Variants in CUBN observed in about 807,000 individuals in gnomAD.
CUBN encodes 460 kDa receptor.
In CUBN, 282 loss-of-function variants were observed where a neutral mutation model predicts 405.3. The ratio of observed to expected loss-of-function variants is 0.70; its 90% confidence interval spans 0.63 to 0.77. The LOEUF (loss-of-function observed/expected upper bound fraction) is 0.77, where lower values mean the gene tolerates loss of function less well. Ranked by LOEUF, CUBN falls within the 30% of genes least tolerant of loss-of-function variation. CUBN has a pLI of 0.00. For missense variants in CUBN, 4,514 were observed against 4,475.2 expected (o/e 1.01, Z -0.25); for synonymous variants, 1,684 against 1,617.0 (o/e 1.04, Z -0.99).
intron 36 of CUBN, among the ~76,000 whole-genome samples, chr10:16,946,920 T>C (rs1345630885): frequency 6.6e-6 from 1 of 152,090 alleles, no homozygotes; most frequent in East Asian, 1.9e-4. Flanking sequence ...AGTGATTCCC[T>C]GGAAGAACCT....
chr10:16,915,946 A>C lies in CUBN; in HGVS notation c.7085T>G (p.Phe2362Cys). 6.2e-7 allele frequency: 1 copy of C among 1,614,192 alleles called. No homozygotes were observed. Among genetic ancestry groups the C allele is most frequent in the Non-Finnish European group, 8.5e-7 (1 of 1,180,030 alleles). Residue 2362 changes from phenylalanine (F) to cysteine (C), a missense_variant, in exon 46 of 67, where the codon TTC becomes TGC. This residue lies in a region of CUBN where 1,613 missense variants were observed against 1,542.8 expected (regional missense o/e 1.05). Transcript: ENST00000377833. ...HPTLPYRDNL[F>C]CEWHLQGLSG... is the part of the protein sequence containing the mutation. ...GAGCCCCTGGAGATGCCACTCACAG[A>C]ATAAGTTGTCTCTGTATGGAAGTGT... is the stretch of plus-strand genomic sequence containing the variant.
At chr10:17,047,723 G>C in intron 22 of CUBN, 120 bp from the exon 23 acceptor site, 1 of 911,790 alleles carries the variant, frequency 1.1e-6, no homozygotes, top group Middle Eastern at 3.3e-4. Context: ...AGCCATTCTG[G>C]AATGTGCAAA....
intron 50 of CUBN, 103 bp from the exon 51 acceptor site, chr10:16,904,218 C>G: frequency 9.1e-7 from 1 of 1,096,094 alleles, no homozygotes; most frequent in Non-Finnish European, 1.4e-6. Flanking sequence ...TTGACACACA[C>G]TTAAATTCTG....
chr10:17,068,700 A>C lies in CUBN; in HGVS notation c.2696T>G (p.Ile899Arg). The change falls in exon 20 of 67, where the codon ATA becomes AGA. Residue 899 changes from isoleucine to arginine, a missense_variant. Physicochemically the swap from Ile to Arg is moderately conservative, Grantham distance 97. Coordinates refer to ENST00000377833, the MANE Select transcript of CUBN (RefSeq NM_001081.4). ...KYCGTDIPSF[I>R]TSVYNFLYVT... ...ATAAAGAAAATTGTACACAGATGTTATAAATGAAGGTATGTCTGTACCGCA... is the reference window on the plus strand; with the variant it reads ...ATAAAGAAAATTGTACACAGATGTTCTAAATGAAGGTATGTCTGTACCGCA... The C allele has an allele frequency of 6.2e-7, 1 of 1,612,244 alleles. No individual in the cohort carries two copies. The highest frequency in any genetic ancestry group is 8.5e-7 in the Non-Finnish European group (1 of 1,178,524).
intron 16 of CUBN, 85 bp from the exon 17 acceptor site, chr10:17,084,546 C>CA: frequency 3.3e-6 from 3 of 914,910 alleles, no homozygotes; most frequent in Non-Finnish European, 5.2e-6. Context: ...AAAAATTTAC[C>CA]CACACACACA....
intron 11 of CUBN, 22 bp from the exon 12 acceptor site, chr10:17,104,627 A>G (rs1352636911): frequency 1.3e-6 from 2 of 1,591,692 alleles, no homozygotes; most frequent in Non-Finnish European, 1.7e-6. Flanking sequence ...AAAAACACAT[A>G]ATACCATAAA....
At chr10:17,117,522 G>C (rs535676435) in intron 6 of CUBN, among the ~76,000 whole-genome samples, 4 of 152,042 alleles carry the variant, frequency 2.6e-5, no homozygotes, top group Admixed American at 6.6e-5. Context: ...CTACAGGTGC[G>C]TGCCACCACA....
At chr10:16,863,939 T>C (rs1227540701) in intron 59 of CUBN, among the ~76,000 whole-genome samples, 1 of 152,144 alleles carries the variant, frequency 6.6e-6, no homozygotes, top group African/African-American at 2.4e-5. Context: ...AAATATTGAG[T>C]GTGATCCGGT....
chr10:17,045,740 A>G (rs1301590764), intron 24 of CUBN, among the ~76,000 whole-genome samples, 194 bp downstream of exon 24: 1 of 152,188 alleles, frequency 6.6e-6, no homozygotes, highest in Non-Finnish European at 1.5e-5. Context: ...ATTTATTGAT[A>G]AAAAGAAACT....
Position 16,869,756 on chromosome 10 carries a change from A to T in CUBN, c.9334T>A (p.Phe3112Ile). 1 of 1,614,106 alleles carries T rather than the reference A, an allele frequency of 6.2e-7. No homozygotes were observed. The highest frequency in any genetic ancestry group is 1.6e-4 in the Middle Eastern group (1 of 6,062). ...TTTGGTGGGCGCTTGGAACCGCAGA[A>T]TTTGCCAAGAAGGGGATCGCTGGTA... ...ANTSDPLLGK[F>I]CGSKRPPNVK... Residue 3112 changes from phenylalanine to isoleucine, a missense_variant, in exon 59 of 67, where the codon TTC becomes ATC. This residue lies in a region of CUBN where 1,186 missense variants were observed against 1,186.9 expected (regional missense o/e 1.00). Coordinates refer to ENST00000377833, the MANE Select transcript of CUBN (RefSeq NM_001081.4).
intron 40 of CUBN, among the ~76,000 whole-genome samples, chr10:16,930,008 G>C (rs1289357369): frequency 6.6e-6 from 1 of 152,124 alleles, no homozygotes; most frequent in Non-Finnish European, 1.5e-5. Context: ...TTTGTTACTT[G>C]CCCATCCACC....
At chr10:16,863,711 T>C (rs1232434205) in intron 59 of CUBN, among the ~76,000 whole-genome samples, 1 of 152,212 alleles carries the variant, frequency 6.6e-6, no homozygotes, top group East Asian at 1.9e-4. Flanking sequence ...GTTAGATTTT[T>C]TTTTCCATTT....
At position 17,071,896 on chromosome 10, in the gene CUBN, T is replaced by G. The variant is rs767796430; in HGVS notation, c.2377A>C (p.Ser793Arg). Reference protein sequence around the residue: ...TISHIKSITNSVWIRFKIDAS... With the variant: ...TISHIKSITNRVWIRFKIDAS... ...TCTATTTTAAACCTGATCCAGACAC[T>G]ATTAGTAATGGATTTAATGTGAGAG... Residue 793 changes from serine to arginine, a missense_variant, in exon 18 of 67, where the codon AGT (serine) becomes CGT (arginine). By Grantham distance (110) the Ser-to-Arg change is moderately radical (BLOSUM62 -1). Coordinates refer to ENST00000377833, the MANE Select transcript of CUBN (RefSeq NM_001081.4). The G allele has an allele frequency of 5.0e-6, 8 of 1,612,806 alleles. No individual in the cohort carries two copies. In the South Asian group the frequency reaches 8.8e-5, roughly 18 times the overall value.
intron 65 of CUBN, among the ~76,000 whole-genome samples, chr10:16,829,412 C>T (rs1252267053): frequency 1.3e-5 from 2 of 150,662 alleles, no homozygotes; most frequent in African/African-American, 2.4e-5. Context: ...TGTGTGCTTT[C>T]GATGGTGTAG....
At chr10:16,937,532 T>A in intron 39 of CUBN, 60 bp downstream of exon 39, 1 of 1,444,936 alleles carries the variant, frequency 6.9e-7, no homozygotes, top group Non-Finnish European at 9.7e-7. Context: ...ATAGGATCCT[T>A]TGAAACATTG....
At chr10:16,858,242 T>C (rs887607001) in intron 59 of CUBN, among the ~76,000 whole-genome samples, 3 of 152,338 alleles carry the variant, frequency 2.0e-5, no homozygotes, top group African/African-American at 7.2e-5. Flanking sequence ...AATTGATGGA[T>C]AGATTTAATG....
At chr10:16,915,416 C>T (rs1158068597) in intron 46 of CUBN, among the ~76,000 whole-genome samples, 1 of 152,160 alleles carries the variant, frequency 6.6e-6, no homozygotes, top group Non-Finnish European at 1.5e-5. Flanking sequence ...GGAAGGCTTG[C>T]TCATTTGGTT....
intron 12 of CUBN, among the ~76,000 whole-genome samples, chr10:17,103,555 G>C (rs560656668): frequency 1.3e-5 from 2 of 152,288 alleles, no homozygotes; most frequent in Non-Finnish European, 2.9e-5. Flanking sequence ...TTTAACTCTT[G>C]TATCTGTTCT....
rs759381212 is a variant in CUBN, at chr10:16,899,059, G to C, written c.8535C>G (p.Ile2845Met). 1.9e-6 allele frequency: 3 copies of C among 1,613,598 alleles called. No homozygotes were observed. The highest frequency in any genetic ancestry group is 2.2e-5 in the South Asian group (2 of 91,080). Reference protein sequence around the residue: ...AITHKSKHLEISFDNNFLIPS... With the variant: ...AITHKSKHLEMSFDNNFLIPS... ...GGATTAGGAAGTTGTTGTCAAAGCT[G>C]ATCTCCAAGTGTTTACTTTTGTGAG... The change falls in exon 54 of 67, where the codon ATC (isoleucine) becomes ATG (methionine). Residue 2845 changes from isoleucine (I) to methionine (M), a missense_variant. Around this residue, in one of 5 missense-constraint regions of CUBN, gnomAD observed 1,186 missense variants for 1,186.9 expected, o/e 1.00. Transcript: ENST00000377833.
Sources: allele counts gnomAD v4.1 joint callset (sites outside exome capture counted in the v4.1 genomes callset), GRCh38; gene constraint gnomAD v4.1.1; regional missense constraint gnomAD v4.1.1; transcripts MANE v1.5; gene names NCBI Gene and HGNC (gene_info 2026-07-23, HGNC 2026-07-21).